The following TMPRSS11A variants were observed in gnomAD, a reference collection of about 807,000 sequenced individuals.
The protein encoded by TMPRSS11A is transmembrane protease serine 11A.
In TMPRSS11A, 53 loss-of-function variants were observed where a neutral mutation model predicts 58.9. That is an observed-to-expected ratio of 0.90 (90% CI 0.72 to 1.13). TMPRSS11A has a LOEUF of 1.13. Among genes scored for constraint, TMPRSS11A ranks in the 50% most tolerant of loss-of-function variants. The pLI is 0.00. For missense variants in TMPRSS11A, 493 were observed against 499.3 expected, an observed-to-expected ratio of 0.99 and a Z score of 0.12; for synonymous variants, 167 against 169.8, an observed-to-expected ratio of 0.98 and a Z score of 0.13.
intron 1 of TMPRSS11A, among the ~76,000 whole-genome samples, chr4:67,951,863 C>T (rs1012771347): frequency 6.6e-6 from 1 of 152,162 alleles, no homozygotes; most frequent in Non-Finnish European, 1.5e-5. Flanking sequence ...TTCCCTTTTC[C>T]TAGCCTAGGA....
Position 67,909,887 on chromosome 4 carries a change from A to C in TMPRSS11A, c.*1455T>G, listed in dbSNP as rs188805790. 1 of 152,112 alleles carries C rather than the reference A, an allele frequency of 6.6e-6. No individual in the cohort carries two copies. The highest frequency in any genetic ancestry group is 1.5e-5 in the Non-Finnish European group (1 of 67,958). 9.4% of individuals were successfully genotyped at this position (152,112 alleles called of 1,614,324 possible). A position where few individuals can be genotyped will look rare whatever the true frequency, so the allele number is the denominator to read the frequency against. On this transcript the variant is annotated 3_prime_UTR_variant, in exon 10 of 10. Transcript: ENST00000508048. Reference sequence around the variant, plus strand: ...TTCTATGAGTCTAAATTATGAATCAAGTGTTTTATGAGTGAACTGCATATC... The same window carrying C: ...TTCTATGAGTCTAAATTATGAATCACGTGTTTTATGAGTGAACTGCATATC...
intron 1 of TMPRSS11A, among the ~76,000 whole-genome samples, 194 bp downstream of exon 1, chr4:67,963,189 A>G (rs1721480853): frequency 6.6e-6 from 1 of 152,258 alleles, no homozygotes; most frequent in African/African-American, 2.4e-5. Context: ...AACAATTTTT[A>G]TACAAAAACT....
At chr4:67,947,792 CATTA>C (rs1368079821) in intron 1 of TMPRSS11A, among the ~76,000 whole-genome samples, 2 of 152,210 alleles carry the variant, frequency 1.3e-5, no homozygotes, top group Admixed American at 1.3e-4. Flanking sequence ...CAATGGGCTG[CATTA>C]GCCTTGTTCA....
At chr4:67,957,600 C>A (rs1721317598) in intron 1 of TMPRSS11A, among the ~76,000 whole-genome samples, 1 of 152,060 alleles carries the variant, frequency 6.6e-6, no homozygotes, top group Admixed American at 6.5e-5. Flanking sequence ...GCTATTAAGG[C>A]ATTCAGTTTT....
intron 3 of TMPRSS11A, 156 bp downstream of exon 3, chr4:67,944,363 A>C (rs994704592): frequency 9.4e-5 from 71 of 755,076 alleles, no homozygotes; most frequent in Middle Eastern, 6.6e-4. Flanking sequence ...ATCTCATCAT[A>C]CTCTGATTAA....
intron 1 of TMPRSS11A, 108 bp downstream of exon 1, chr4:67,963,275 T>C (rs763213448): frequency 1.0e-4 from 106 of 1,044,648 alleles, no homozygotes; most frequent in South Asian, 2.4e-4. Flanking sequence ...CCAGTGCAGA[T>C]TGAATCCACC....
intron 9 of TMPRSS11A, among the ~76,000 whole-genome samples, 166 bp downstream of exon 9, chr4:67,914,422 T>A (rs1720090630): frequency 6.6e-6 from 1 of 152,236 alleles, no homozygotes; most frequent in Non-Finnish European, 1.5e-5. Flanking sequence ...ACTTCATTTA[T>A]CTTAATAAAA....
chr4:67,948,080 C>A (rs1721068961), intron 1 of TMPRSS11A, among the ~76,000 whole-genome samples: 1 of 150,792 alleles, frequency 6.6e-6, no homozygotes, highest in Non-Finnish European at 1.5e-5. Context: ...GGATATTTTT[C>A]ATATTTTCTT....
At chr4:67,920,527 T>TTATATA (rs1180319358) in intron 7 of TMPRSS11A, among the ~76,000 whole-genome samples, 3,311 of 132,642 alleles carry the variant, frequency 0.025, 61 homozygotes, top group Non-Finnish European at 0.037. Context: ...AATGAGGTAA[T>TTATATA]TATATATATA....
intron 5 of TMPRSS11A, among the ~76,000 whole-genome samples, chr4:67,928,149 A>C (rs889658786): frequency 6.6e-6 from 1 of 152,234 alleles, no homozygotes; most frequent in South Asian, 2.1e-4. Flanking sequence ...GGTTCAAGTG[A>C]TTCTTCCCCC....
intron 2 of TMPRSS11A, 120 bp downstream of exon 2, chr4:67,946,330 C>A (rs879375491): frequency 5.1e-6 from 5 of 980,114 alleles, no homozygotes; most frequent in African/African-American, 1.7e-5. Flanking sequence ...GTTAAATATA[C>A]TCTGTGGAAA....
chr4:67,916,455 T>C (rs894959539), intron 8 of TMPRSS11A, among the ~76,000 whole-genome samples: 1 of 132,470 alleles, frequency 7.5e-6, no homozygotes, highest in Non-Finnish European at 1.6e-5. Flanking sequence ...TTGAATACAA[T>C]TGGTTTATAT....
intron 7 of TMPRSS11A, among the ~76,000 whole-genome samples, chr4:67,920,576 T>C (rs1050400348): frequency 5.5e-5 from 8 of 145,796 alleles, no homozygotes; most frequent in East Asian, 2.1e-4. Flanking sequence ...CACACACACA[T>C]ATATGCATAT....
chr4:67,951,936 T>C lies in TMPRSS11A; in HGVS notation c.12-5365A>G, dbSNP rs75486345. ...ATAACTCTCCTTTTACTAAAGGAAA[T>C]TGTGGTTCTTTTTGAGGGACTGAAC... On this transcript the variant is annotated intron_variant, in intron 1 of 9. Transcript: ENST00000508048. 6.8e-4 allele frequency among the ~76,000 whole-genome samples: 104 copies of C among 152,258 alleles called. 1 individual carries two copies. In the East Asian group the frequency reaches 0.014, roughly 21 times the overall value.
At chr4:67,949,128 T>C (rs1721095158) in intron 1 of TMPRSS11A, among the ~76,000 whole-genome samples, 1 of 152,166 alleles carries the variant, frequency 6.6e-6, no homozygotes, top group South Asian at 2.1e-4. Context: ...AGGAAATTTA[T>C]AAGCTTTCAA....
In TMPRSS11A at chr4:67,922,786, A is replaced by T; in HGVS notation, c.661T>A (p.Trp221Arg). The T allele has an allele frequency of 1.2e-6, 2 of 1,614,144 alleles. No homozygotes were observed. The highest frequency in any genetic ancestry group is 1.7e-6 in the Non-Finnish European group (2 of 1,180,008). ...AAGCAGTGTGCTGCAGTGACAAGCC[A>T]TGTGTTACTAATCAAGGTGGCCCCA... The part of the protein sequence containing the change: ...QCGATLISNT[W>R]LVTAAHCFQK... The change falls in exon 7 of 10, where the codon TGG becomes AGG. Residue 221 changes from tryptophan to arginine, a missense_variant. Transcript: ENST00000508048.
chr4:67,943,518 G>C (rs780427071), intron 3 of TMPRSS11A, among the ~76,000 whole-genome samples: 5 of 152,080 alleles, frequency 3.3e-5, no homozygotes, highest in Non-Finnish European at 7.4e-5. Flanking sequence ...TGGGTGTATT[G>C]GTGCAGGCTC....
In TMPRSS11A at chr4:67,918,142, G is replaced by A. The variant is rs528386967; in HGVS notation, c.952+831C>T. Among the ~76,000 whole-genome samples the A allele has an allele frequency of 8.5e-5, 13 of 152,252 alleles. 1 individual carries two copies. The highest frequency in any genetic ancestry group is 6.2e-4 in the South Asian group (3 of 4,824). On this transcript the variant is annotated intron_variant, in intron 8 of 9. Coordinates refer to ENST00000508048, the MANE Select transcript of TMPRSS11A (RefSeq NM_001114387.2). ...ATGTAAATAAATTGTATAGAATCCT[G>A]CAAATAGATTTAGTCATTCTCAGAA...
At chr4:67,919,479 A>T (rs1166678050) in intron 7 of TMPRSS11A, among the ~76,000 whole-genome samples, 2 of 152,180 alleles carry the variant, frequency 1.3e-5, no homozygotes, top group African/African-American at 4.8e-5. Context: ...TACACATAAA[A>T]TATCATTCAT....
Sources: gnomAD v4.1 joint callset for allele counts (sites outside exome capture counted in the v4.1 genomes callset) on GRCh38, gnomAD v4.1.1 for gene constraint, MANE v1.5 for transcripts, NCBI Gene and HGNC (gene_info 2026-07-23, HGNC 2026-07-21) for gene names.